The following CNTLN variants were observed in gnomAD, a reference collection of about 807,000 sequenced individuals.
The protein encoded by CNTLN is centlein, centrosomal protein.
In CNTLN, 212 loss-of-function variants were observed where a neutral mutation model predicts 180.0. That is an observed-to-expected ratio of 1.18 (90% CI 1.05 to 1.32). The LOEUF is 1.32. CNTLN is among the 40% of genes most tolerant of loss of function. The pLI is 0.00. For synonymous variants in CNTLN, 722 were observed against 563.1 expected (o/e 1.28, Z -3.99); for missense variants, 2,095 against 1,610.9 (o/e 1.30, Z -5.14).
chr9:17,211,406 T>C (rs1453989005), intron 2 of CNTLN, among the ~76,000 whole-genome samples: 1 of 151,970 alleles, frequency 6.6e-6, no homozygotes, highest in Non-Finnish European at 1.5e-5. Flanking sequence ...TTCCGTTCCA[T>C]TGGTGATATC....
chr9:17,321,763 A>T (rs1213216495), intron 8 of CNTLN, among the ~76,000 whole-genome samples: 1 of 152,118 alleles, frequency 6.6e-6, no homozygotes, highest in Non-Finnish European at 1.5e-5. Context: ...TTAGTTGCAA[A>T]ATATTATGCC....
At chr9:17,426,262 A>G (rs1182867685) in intron 18 of CNTLN, among the ~76,000 whole-genome samples, 1 of 152,228 alleles carries the variant, frequency 6.6e-6, no homozygotes, top group Non-Finnish European at 1.5e-5. Flanking sequence ...AGCAATTCAC[A>G]TATTGCCATG....
chr9:17,330,642 G>A lies in CNTLN; in HGVS notation c.1352G>A (p.Arg451His), dbSNP rs765685721. 48 of 1,581,368 alleles carry A rather than the reference G, an allele frequency of 3.0e-5. No homozygotes were observed. The highest frequency in any genetic ancestry group is 1.4e-4 in the South Asian group (12 of 85,130). ...TACTTTTTAAAATAGGTACCTCATC[G>A]CCCATCCTTATCAAGCTTAGAAACG... is the stretch of plus-strand genomic sequence containing the variant. ...DPDYSAQVPH[R>H]PSLSSLETLM... Residue 451 changes from arginine to histidine, a missense_variant, in exon 9 of 26, where the codon CGC (arginine) becomes CAC (histidine). Transcript: ENST00000380647.
Position 17,350,341 on chromosome 9 carries a change from C to G in CNTLN, c.1886+7897C>G, listed in dbSNP as rs112082267. 6.6e-5 allele frequency among the ~76,000 whole-genome samples: 10 copies of G among 152,266 alleles called. 1 individual carries two copies. Among genetic ancestry groups the G allele is most frequent in the African/African-American group, 2.4e-4 (10 of 41,552 alleles). On this transcript the variant is annotated intron_variant, in intron 12 of 25. Transcript: ENST00000380647. ...AATGTGCAGTGGTTTAGTAATAGGT[C>G]TTTCTATACTAATCTGTAGCCTATG...
chr9:17,276,036 A>G (rs1208684813), intron 6 of CNTLN, among the ~76,000 whole-genome samples: 1 of 152,074 alleles, frequency 6.6e-6, no homozygotes, highest in Non-Finnish European at 1.5e-5. Flanking sequence ...TGGATACTAT[A>G]TTTACCACCT....
At chr9:17,372,980 T>C (rs967167733) in intron 13 of CNTLN, among the ~76,000 whole-genome samples, 1 of 152,110 alleles carries the variant, frequency 6.6e-6, no homozygotes, top group African/African-American at 2.4e-5. Flanking sequence ...CAAACATACA[T>C]CAGGATAATA....
chr9:17,151,379 G>A (rs111795940), intron 2 of CNTLN, among the ~76,000 whole-genome samples: 1,622 of 152,194 alleles, frequency 0.011, 22 homozygotes, highest in African/African-American at 0.037. Context: ...TTTATTGAAG[G>A]CCTTTTCTGC....
At position 17,309,177 on chromosome 9, in the gene CNTLN, A is replaced by G. The variant is rs768029198; in HGVS notation, c.1266A>G (p.Leu422=). The change falls in exon 8 of 26, where the codon TTA becomes TTG. Residue 422 remains leucine, a synonymous_variant. Transcript: ENST00000380647. ...LLQKEQENAK[L]KEKLQESQGA... The stretch of plus-strand genomic sequence containing the variant: ...AAAAAGAGCAAGAAAATGCTAAGTT[A>G]AAAGAAAAACTTCAGGAATCACAGG... 6.2e-7 allele frequency: 1 copy of G among 1,610,408 alleles called. No individual in the cohort carries two copies. Among genetic ancestry groups the G allele is most frequent in the Non-Finnish European group, 8.5e-7 (1 of 1,177,796 alleles).
At chr9:17,219,654 G>A (rs1824000907) in intron 2 of CNTLN, among the ~76,000 whole-genome samples, 1 of 152,012 alleles carries the variant, frequency 6.6e-6, no homozygotes, top group Non-Finnish European at 1.5e-5. Flanking sequence ...CTACTGGGAA[G>A]TGTGTTATTG....
At chr9:17,354,251 C>T (rs1179859815) in intron 12 of CNTLN, among the ~76,000 whole-genome samples, 2 of 152,160 alleles carry the variant, frequency 1.3e-5, no homozygotes, top group African/African-American at 4.8e-5. Context: ...GCCCGAGCCT[C>T]CCCGACGAGC....
chr9:17,362,571 A>G (rs183573722), intron 12 of CNTLN, among the ~76,000 whole-genome samples: 59 of 152,328 alleles, frequency 3.9e-4, no homozygotes, highest in African/African-American at 1.4e-3. Context: ...TTTTACTTCA[A>G]ATAACTTTTT....
chr9:17,307,013 G>A (rs1818763643), intron 7 of CNTLN, among the ~76,000 whole-genome samples: 1 of 152,180 alleles, frequency 6.6e-6, no homozygotes, highest in Non-Finnish European at 1.5e-5. Flanking sequence ...AAGTAGGCAC[G>A]CTGAACTCTT....
chr9:17,143,899 G>A (rs1818274716), intron 2 of CNTLN, among the ~76,000 whole-genome samples: 1 of 152,090 alleles, frequency 6.6e-6, no homozygotes, highest in African/African-American at 2.4e-5. Context: ...GTAGATTGTT[G>A]GGCCTCTCCT....
At chr9:17,437,903 T>C (rs1829871491) in intron 18 of CNTLN, among the ~76,000 whole-genome samples, 1 of 152,122 alleles carries the variant, frequency 6.6e-6, no homozygotes, top group Non-Finnish European at 1.5e-5. Flanking sequence ...GATTAAGGCT[T>C]TTGAAGGAGT....
At chr9:17,178,569 C>T (rs1023834400) in intron 2 of CNTLN, among the ~76,000 whole-genome samples, 2 of 152,122 alleles carry the variant, frequency 1.3e-5, no homozygotes, top group Non-Finnish European at 2.9e-5. Flanking sequence ...TGGAGCCCTG[C>T]CCCACAGGGA....
chr9:17,172,801 A>C (rs1820497350), intron 2 of CNTLN, among the ~76,000 whole-genome samples: 2 of 152,220 alleles, frequency 1.3e-5, no homozygotes, highest in Admixed American at 1.3e-4. Flanking sequence ...TCTACTTATA[A>C]GTGTGTACAC....
At chr9:17,248,222 C>A (rs950257948) in intron 5 of CNTLN, among the ~76,000 whole-genome samples, 1 of 152,024 alleles carries the variant, frequency 6.6e-6, no homozygotes, top group Admixed American at 6.6e-5. Context: ...TTTACACTTG[C>A]TTTGGTATAA....
Position 17,394,610 on chromosome 9 carries a change from T to G in CNTLN, c.2156T>G (p.Met719Arg), listed in dbSNP as rs762334829. Residue 719 changes from methionine to arginine, a missense_variant, in exon 15 of 26, where the codon ATG becomes AGG. Met to Arg is a moderately conservative substitution (Grantham distance 91, BLOSUM62 -1). Transcript: ENST00000380647. ...RKLKEGNKKLMKENDFLKSLL... is the reference protein window; with the variant it reads ...RKLKEGNKKLRKENDFLKSLL... The stretch of plus-strand genomic sequence containing the variant: ...TTAAAAGAAGGGAATAAAAAATTAA[T>G]GAAAGAAAATGATTTTCTGAAATCC... 1 of 1,596,034 alleles carries G rather than the reference T, an allele frequency of 6.3e-7. No individual in the cohort carries two copies. The highest frequency in any genetic ancestry group is 1.4e-5 in the African/African-American group (1 of 73,512).
chr9:17,242,687 TC>T (rs35087332), intron 5 of CNTLN, among the ~76,000 whole-genome samples: 1 of 152,212 alleles, frequency 6.6e-6, no homozygotes, highest in Admixed American at 6.5e-5. Flanking sequence ...TGTTAAACCA[TC>T]CTTGCATCCC....
Sources: allele counts gnomAD v4.1 joint callset (sites outside exome capture counted in the v4.1 genomes callset), GRCh38; gene constraint gnomAD v4.1.1; transcripts MANE v1.5; gene names NCBI Gene and HGNC (gene_info 2026-07-23, HGNC 2026-07-21).